The following SYBU variants were observed in gnomAD, a reference collection of about 807,000 sequenced individuals.
The protein encoded by SYBU is GOLSYN A protein.
A neutral mutation model predicts 35.9 loss-of-function variants in SYBU; 21 were observed. The ratio of observed to expected loss-of-function variants is 0.58; its 90% CI spans 0.41 to 0.84. The LOEUF is 0.84. SYBU is among the 40% of genes least tolerant of loss of function. The pLI is 0.00. For synonymous variants in SYBU, 319 were observed against 324.3 expected (o/e 0.98, Z 0.18); for missense variants, 768 against 848.2 (o/e 0.91, Z 1.17).
At chr8:109,640,769 G>A (rs1586915561) in intron 2 of SYBU, among the ~76,000 whole-genome samples, 1 of 104,518 alleles carries the variant, frequency 9.6e-6, no homozygotes. Context: ...TTTTTTTTCA[G>A]AATCAAGCAG....
chr8:109,648,990 T>C (rs1365752553), upstream of SYBU: 7 of 120,552 alleles, frequency 5.8e-5, no homozygotes, highest in Admixed American at 3.3e-4. Flanking sequence ...TCAACCCTCC[T>C]CCTTTTTTTT....
chr8:109,658,900 G>C (rs542994174), intron 1 of SYBU, among the ~76,000 whole-genome samples: 20 of 152,158 alleles, frequency 1.3e-4, no homozygotes, highest in Non-Finnish European at 2.5e-4. Context: ...GTTGCAGTGA[G>C]CAGAGATTGC....
chr8:109,646,786 C>A (rs186509461), upstream of SYBU: 1 of 152,166 alleles, frequency 6.6e-6, no homozygotes, highest in Admixed American at 6.5e-5. Context: ...TCAGTGTCAT[C>A]GTGGACTTTT....
intron 2 of SYBU, among the ~76,000 whole-genome samples, chr8:109,628,008 C>G (rs1343661115): frequency 2.6e-5 from 4 of 152,190 alleles, no homozygotes; most frequent in Admixed American, 6.5e-5. Context: ...TGTCACTAAC[C>G]AGTGGCTGAT....
chr8:109,593,506 G>A (rs1009631310), intron 3 of SYBU, among the ~76,000 whole-genome samples: 1 of 152,132 alleles, frequency 6.6e-6, no homozygotes, highest in African/African-American at 2.4e-5. Context: ...GCCAGTTCCA[G>A]CCAAACTCAT....
intron 3 of SYBU, among the ~76,000 whole-genome samples, chr8:109,601,684 C>A (rs569130558): frequency 1.3e-5 from 2 of 152,070 alleles, no homozygotes; most frequent in African/African-American, 4.8e-5. Context: ...GTGTTGGGGG[C>A]ATGGACAGGA....
chr8:109,648,785 G>A (rs1013269190), upstream of SYBU: 6 of 151,670 alleles, frequency 4.0e-5, no homozygotes, highest in African/African-American at 7.3e-5. Context: ...TGTCTCTCTC[G>A]GTGACCTAAT....
chr8:109,652,895 C>G (rs1816206689), intron 1 of SYBU, among the ~76,000 whole-genome samples: 1 of 152,204 alleles, frequency 6.6e-6, no homozygotes, highest in Non-Finnish European at 1.5e-5. Flanking sequence ...ATCTCTGTAT[C>G]TTGGTATTCT....
intron 2 of SYBU, among the ~76,000 whole-genome samples, chr8:109,639,337 CT>C (rs1814593029): frequency 1.3e-5 from 2 of 152,110 alleles, no homozygotes; most frequent in Admixed American, 6.5e-5. Flanking sequence ...ATTACATTAT[CT>C]TTTTTAAAAA....
intron 1 of SYBU, among the ~76,000 whole-genome samples, chr8:109,654,136 A>G (rs1044989862): frequency 2.0e-5 from 3 of 152,216 alleles, no homozygotes; most frequent in Non-Finnish European, 4.4e-5. Flanking sequence ...AGTGAAATAA[A>G]TGACCATCCA....
chr8:109,612,126 G>A (rs1458662494), intron 3 of SYBU, among the ~76,000 whole-genome samples: 1 of 152,152 alleles, frequency 6.6e-6, no homozygotes, highest in Non-Finnish European at 1.5e-5. Flanking sequence ...GTGTGACCTT[G>A]GATGAGTCAC....
intron 1 of SYBU, among the ~76,000 whole-genome samples, chr8:109,673,310 T>A (rs562709321): frequency 3.3e-5 from 5 of 152,248 alleles, no homozygotes; most frequent in African/African-American, 7.2e-5. Context: ...CGGGTGCCCC[T>A]CTGGGATGAA....
chr8:109,644,825 G>T, upstream of SYBU: 1 of 668,166 alleles, frequency 1.5e-6, no homozygotes, highest in Non-Finnish European at 2.3e-6. Flanking sequence ...ATTGCTCTGG[G>T]CTCCGAGGGC....
intron 3 of SYBU, among the ~76,000 whole-genome samples, chr8:109,603,152 G>T (rs1344059657): frequency 6.6e-6 from 1 of 152,214 alleles, no homozygotes; most frequent in Non-Finnish European, 1.5e-5. Flanking sequence ...TCGAGCTGGG[G>T]CGGAAGCCGA....
At chr8:109,648,931 T>C (rs890773614), upstream of SYBU, 20 of 150,500 alleles carry the variant, frequency 1.3e-4, no homozygotes, top group African/African-American at 4.9e-4. Flanking sequence ...CATATTTTTC[T>C]TACCAGGGAG....
chr8:109,667,378 T>C (rs1271724666), intron 1 of SYBU, among the ~76,000 whole-genome samples: 1 of 152,144 alleles, frequency 6.6e-6, no homozygotes, highest in East Asian at 1.9e-4. Flanking sequence ...CCTAAAGTGC[T>C]GGGATTACCA....
chr8:109,671,134 T>A (rs1209943933), intron 1 of SYBU, among the ~76,000 whole-genome samples: 1 of 152,190 alleles, frequency 6.6e-6, no homozygotes, highest in Non-Finnish European at 1.5e-5. Flanking sequence ...CCTACCCCCA[T>A]AATAATTCTT....
chr8:109,641,140 C>T (rs1408178242), intron 2 of SYBU, among the ~76,000 whole-genome samples: 1 of 152,160 alleles, frequency 6.6e-6, no homozygotes, highest in Non-Finnish European at 1.5e-5. Flanking sequence ...TTAAATTTTA[C>T]CCAAATTCCT....
At chr8:109,597,588 G>A (rs1011887416) in intron 3 of SYBU, among the ~76,000 whole-genome samples, 34 of 151,888 alleles carry the variant, frequency 2.2e-4, no homozygotes, top group East Asian at 3.9e-4. Context: ...GGTGGCATGC[G>A]CTTATAGTCC....
Sources: allele counts gnomAD v4.1 joint callset (sites outside exome capture counted in the v4.1 genomes callset), GRCh38; gene constraint gnomAD v4.1.1; transcripts MANE v1.5; gene names NCBI Gene and HGNC (gene_info 2026-07-23, HGNC 2026-07-21).